Variants in SUN3 observed in about 807,000 individuals in gnomAD.
SUN3 encodes SUN domain-containing protein 3.
Under a neutral mutation model 48.2 loss-of-function variants are expected in SUN3, and 36 were observed. That is an observed-to-expected ratio of 0.75 (90% CI 0.57 to 0.99). The LOEUF is 0.99. SUN3 is among the 50% of genes least tolerant of loss of function. The pLI is 0.00. For missense variants in SUN3, 419 were observed against 433.1 expected, an observed-to-expected ratio of 0.97 and a Z score of 0.29; for synonymous variants, 148 against 147.9, an observed-to-expected ratio of 1.00 and a Z score of 0.00.
At chr7:48,029,558 C>A (rs1790226222), upstream of SUN3, among the ~76,000 whole-genome samples, 1 of 152,162 alleles carries the variant, frequency 6.6e-6, no homozygotes, top group Non-Finnish European at 1.5e-5. Flanking sequence ...GACATTAACT[C>A]CACTCATTTT....
At chr7:48,035,553 G>T in the SUN3 span, 8 of 698,528 alleles carry the variant, frequency 1.1e-5, no homozygotes, top group Non-Finnish European at 1.6e-5. The surrounding 1 kb of genome is among the most constrained non-coding windows in gnomAD (Gnocchi z 4.0). Flanking sequence ...GGGTTTGGTT[G>T]GCTGCAGCCA....
chr7:48,009,820 A>C (rs1003967856), intron 3 of SUN3, among the ~76,000 whole-genome samples: 25 of 152,020 alleles, frequency 1.6e-4, no homozygotes, highest in East Asian at 1.5e-3. Flanking sequence ...TGCAGGCAGC[A>C]CTCTGGTCTG....
At chr7:48,006,295 G>A (rs147024662) in intron 5 of SUN3, among the ~76,000 whole-genome samples, 1 of 152,118 alleles carries the variant, frequency 6.6e-6, no homozygotes, top group Non-Finnish European at 1.5e-5. Context: ...ACTCCCACAA[G>A]GTCACACAGC....
At chr7:48,007,445 T>C (rs1178246599) in intron 4 of SUN3, 118 bp from the exon 5 acceptor site, 1 of 890,326 alleles carries the variant, frequency 1.1e-6, no homozygotes, top group Admixed American at 2.7e-5. Context: ...ATATACATTC[T>C]TGAGTGAGGG....
chr7:47,990,867 CTATGTTCTCACTTG>C (rs1218589874), intron 8 of SUN3: 28 of 353,556 alleles, frequency 7.9e-5, no homozygotes, highest in Middle Eastern at 1.3e-3. Flanking sequence ...AACAAATACT[CTATGTTCTCACTTG>C]TAAGTGGGAG....
At chr7:47,998,889 T>C (rs1053644939) in intron 6 of SUN3, among the ~76,000 whole-genome samples, 3 of 152,216 alleles carry the variant, frequency 2.0e-5, no homozygotes, top group Admixed American at 2.0e-4. Flanking sequence ...ATGCTCTTGA[T>C]TACTGTAAAC....
intron 3 of SUN3, among the ~76,000 whole-genome samples, chr7:48,010,196 T>C (rs1389610061): frequency 1.3e-5 from 2 of 152,096 alleles, no homozygotes; most frequent in African/African-American, 4.8e-5. Context: ...GCACAGCCCC[T>C]ATTCCAACAT....
At chr7:48,006,602 G>C (rs747369249) in intron 5 of SUN3, among the ~76,000 whole-genome samples, 39 of 152,342 alleles carry the variant, frequency 2.6e-4, no homozygotes, top group Middle Eastern at 6.8e-3. Context: ...AACAGTTCAA[G>C]TTCAAGCTGC....
intron 9 of SUN3, 136 bp from the exon 10 acceptor site, chr7:47,987,585 A>C (rs1788936200): frequency 1.2e-6 from 1 of 804,726 alleles, no homozygotes; most frequent in Non-Finnish European, 1.8e-6. Flanking sequence ...ACAGGCTGGA[A>C]TGCAGTGGCA....
chr7:48,003,889 GC>G (rs201883923), intron 6 of SUN3, among the ~76,000 whole-genome samples: 3,698 of 152,164 alleles, frequency 0.024, 149 homozygotes, highest in African/African-American at 0.084. Flanking sequence ...CTATTTGGAT[GC>G]CCTTTATTTA....
chr7:47,995,203 C>T (rs1749357697), intron 7 of SUN3, among the ~76,000 whole-genome samples: 1 of 141,876 alleles, frequency 7.0e-6, no homozygotes. Context: ...TGATGATGGA[C>T]ATGGGGGTGG....
At chr7:48,019,099 C>T (rs1182957634) in intron 2 of SUN3, among the ~76,000 whole-genome samples, 3 of 152,102 alleles carry the variant, frequency 2.0e-5, no homozygotes, top group African/African-American at 7.2e-5. Context: ...AATCAGTTAA[C>T]TTAAAGATAG....
chr7:48,021,480 T>C (rs993554185), intron 2 of SUN3, among the ~76,000 whole-genome samples: 2 of 149,732 alleles, frequency 1.3e-5, no homozygotes, highest in Non-Finnish European at 3.0e-5. Context: ...ACCCACAGAA[T>C]GGGAGAAAAT....
upstream of SUN3, among the ~76,000 whole-genome samples, chr7:48,033,550 A>G (rs1790278691): frequency 6.6e-6 from 1 of 152,170 alleles, no homozygotes; most frequent in Non-Finnish European, 1.5e-5. Flanking sequence ...TGACAGAGCA[A>G]TATCCTGTCT....
At chr7:48,001,777 C>A (rs1188131029) in intron 6 of SUN3, among the ~76,000 whole-genome samples, 1 of 152,132 alleles carries the variant, frequency 6.6e-6, no homozygotes, top group Non-Finnish European at 1.5e-5. Flanking sequence ...ACCTTGTGAT[C>A]TGCCCGCCTC....
At chr7:47,998,094 A>G (rs1789261116) in intron 6 of SUN3, among the ~76,000 whole-genome samples, 1 of 152,204 alleles carries the variant, frequency 6.6e-6, no homozygotes. Context: ...AATGTATAGA[A>G]GTGGGATTGC....
At chr7:48,035,659 G>A in the SUN3 span, 472 of 648,584 alleles carry the variant, frequency 7.3e-4, 2 homozygotes, top group Non-Finnish European at 8.6e-5. The surrounding 1 kb of genome is among the most constrained non-coding windows in gnomAD (Gnocchi z 4.0). Context: ...GAGGACAATG[G>A]GGGCGCCCAC....
At chr7:48,002,151 CTTTTTTTTTTT>C (rs71006541) in intron 6 of SUN3, among the ~76,000 whole-genome samples, 4 of 64,154 alleles carry the variant, frequency 6.2e-5, no homozygotes, top group Admixed American at 4.6e-4. Flanking sequence ...TTGCATTTCT[CTTTTTTTTTTT>C]TTTTTTTTTT....
rs115233510 is a variant in SUN3, at chr7:47,990,678, C to T, written c.862-1798G>A. Among the ~76,000 whole-genome samples the T allele has an allele frequency of 3.8e-3, 575 of 152,086 alleles. 4 individuals are homozygous for T. The highest frequency in any genetic ancestry group is 0.013 in the African/African-American group (536 of 41,478). On this transcript the variant is annotated intron_variant, in intron 8 of 9. Transcript: ENST00000297325. ...CTCAAGCCTCATATATTCTCTTTAG[C>T]TTAAGACAGGAGTGCTAGTTTTATT... is the stretch of plus-strand genomic sequence containing the variant.
Sources: gnomAD v4.1 joint callset for allele counts (sites outside exome capture counted in the v4.1 genomes callset) on GRCh38, gnomAD v4.1.1 for gene constraint, Gnocchi (gnomAD v3.1) non-coding constraint, MANE v1.5 for transcripts, NCBI Gene and HGNC (gene_info 2026-07-23, HGNC 2026-07-21) for gene names.